Variants in TIMM9 observed in about 807,000 individuals in gnomAD.
The protein encoded by TIMM9 is translocase of inner mitochondrial membrane 9, also known as mitochondrial import inner membrane translocase subunit Tim9.
In TIMM9, 10 loss-of-function variants were observed where a neutral mutation model predicts 13.4. That is an observed-to-expected ratio of 0.75 (90% CI 0.46 to 1.26). The LOEUF is 1.26. Among genes scored for constraint, TIMM9 ranks in the 50% most tolerant of loss-of-function variants. The probability of loss-of-function intolerance (pLI) is 0.00; values close to 1 mark genes in which losing one functional copy is unlikely to be tolerated. For missense variants in TIMM9, 87 were observed against 100.8 expected (o/e 0.86, Z 0.58); for synonymous variants, 32 against 32.1 (o/e 1.00, Z 0.01).
chr14:58,417,175 C>T (rs527843237), intron 3 of TIMM9, among the ~76,000 whole-genome samples: 1 of 152,232 alleles, frequency 6.6e-6, no homozygotes, highest in South Asian at 2.1e-4. Context: ...TGTGAGGCCT[C>T]CCCAGCCATG....
Position 58,411,763 on chromosome 14 carries a change from C to T in TIMM9, c.39+144G>A, listed in dbSNP as rs1000605697. ...TGTTGGCCAGGCTGGTCTTGAACTC[C>T]TGACTTCATGTGATCCACCCACCTG... On this transcript the variant is annotated intron_variant, in intron 4 of 5. Transcript: ENST00000395159. The T allele has an allele frequency of 4.4e-6, 3 of 683,800 alleles. No individual in the cohort carries two copies. The African/African-American group carries it at 5.4e-5, about 12-fold the overall frequency. The allele number at this position is 683,800 out of a possible 1,614,324, so 42.4% of individuals were successfully genotyped here.
intron 4 of TIMM9, 54 bp from the exon 5 acceptor site, chr14:58,410,992 T>C: frequency 1.6e-6 from 2 of 1,276,756 alleles, no homozygotes; most frequent in South Asian, 2.6e-5. Context: ...CAAAGATGCT[T>C]TGAAACTTAA....
chr14:58,411,059 T>C, intron 4 of TIMM9, 121 bp from the exon 5 acceptor site: 1 of 674,844 alleles, frequency 1.5e-6, no homozygotes, highest in Non-Finnish European at 2.6e-6. Flanking sequence ...ATCATAGTTA[T>C]TATGCTAACT....
intron 3 of TIMM9, among the ~76,000 whole-genome samples, chr14:58,422,832 CAG>C (rs1491356405): frequency 2.0e-5 from 3 of 152,000 alleles, no homozygotes; most frequent in Admixed American, 1.3e-4. Context: ...ATTTTTGAGA[CAG>C]AGTCTCACTC....
intron 3 of TIMM9, 179 bp from the exon 4 acceptor site, chr14:58,412,150 C>CTTT: frequency 2.4e-6 from 1 of 411,038 alleles, no homozygotes; most frequent in Non-Finnish European, 4.4e-6. Context: ...ATTAGATTTT[C>CTTT]TTTTTTTTTT....
At position 58,408,909 on chromosome 14, in the gene TIMM9, A is replaced by G; in HGVS notation, c.*125T>C. On this transcript the variant is annotated 3_prime_UTR_variant, in exon 6 of 6. Transcript: ENST00000395159. ...TTCTCCAGCGGTTTCCATTTGCCAA[A>G]CAGTCATGACAGATGGTTGAACATG... 3.6e-6 allele frequency: 5 copies of G among 1,394,700 alleles called. No homozygotes were observed. The highest frequency in any genetic ancestry group is 4.8e-6 in the Non-Finnish European group (5 of 1,038,154). The allele number at this position is 1,394,700 out of a possible 1,614,324, so 86.4% of individuals were successfully genotyped here.
At chr14:58,409,814 G>A (rs985549338) in intron 5 of TIMM9, among the ~76,000 whole-genome samples, 6 of 151,914 alleles carry the variant, frequency 3.9e-5, no homozygotes, top group South Asian at 2.1e-4. Context: ...TCCTGACCTC[G>A]TGATCCGCCT....
chr14:58,423,605 A>G (rs2036654528), intron 3 of TIMM9, among the ~76,000 whole-genome samples: 1 of 151,904 alleles, frequency 6.6e-6, no homozygotes, highest in African/African-American at 2.4e-5. Context: ...TGAGTAAATC[A>G]ATGATTTTCA....
chr14:58,412,622 T>C (rs541589789), intron 3 of TIMM9, among the ~76,000 whole-genome samples: 1 of 152,152 alleles, frequency 6.6e-6, no homozygotes, highest in Non-Finnish European at 1.5e-5. Context: ...TAAAAAAAGC[T>C]GGGTGTGGTG....
At chr14:58,419,780 G>A (rs900668756) in intron 3 of TIMM9, among the ~76,000 whole-genome samples, 1 of 151,998 alleles carries the variant, frequency 6.6e-6, no homozygotes, top group African/African-American at 2.4e-5. Flanking sequence ...GCTGGGCATG[G>A]TGGCACATAC....
At chr14:58,409,981 T>C (rs1358535523) in intron 5 of TIMM9, among the ~76,000 whole-genome samples, 1 of 152,048 alleles carries the variant, frequency 6.6e-6, no homozygotes, top group Admixed American at 6.6e-5. Flanking sequence ...TCCTCCTACC[T>C]CAGCCCCTGG....
chr14:58,411,609 G>A (rs1018335254), intron 4 of TIMM9, among the ~76,000 whole-genome samples: 14 of 151,540 alleles, frequency 9.2e-5, no homozygotes, highest in Non-Finnish European at 1.8e-4. Flanking sequence ...CCACGATCTC[G>A]GCTCACTGCA....
intron 3 of TIMM9, among the ~76,000 whole-genome samples, chr14:58,417,609 T>G (rs1595021516): frequency 2.3e-5 from 2 of 87,824 alleles, no homozygotes; most frequent in African/African-American, 4.8e-5. Flanking sequence ...AGGGAGGGAC[T>G]TAGGGAAGGA....
At chr14:58,419,843 GGAGGCA>G (rs753427202) in intron 3 of TIMM9, among the ~76,000 whole-genome samples, 6 of 152,210 alleles carry the variant, frequency 3.9e-5, no homozygotes, top group Non-Finnish European at 8.8e-5. Context: ...ATTGCGCCCA[GGAGGCA>G]GAGGCTGCAG....
In TIMM9 at chr14:58,417,378, T is replaced by C. The variant is rs377169954; in HGVS notation, c.-26-5407A>G. On this transcript the variant is annotated intron_variant, in intron 3 of 5. Coordinates refer to ENST00000395159, the MANE Select transcript of TIMM9 (RefSeq NM_012460.4). ...AAAAGTAGCTGGGCATGGTGGCATGTCCTATACCCCCAGCTACTTGGAGGT... is the reference window on the plus strand; with the variant it reads ...AAAAGTAGCTGGGCATGGTGGCATGCCCTATACCCCCAGCTACTTGGAGGT... Among the ~76,000 whole-genome samples, 8 of 151,150 alleles carry C rather than the reference T, an allele frequency of 5.3e-5. No homozygotes were observed. In the East Asian group the frequency reaches 9.7e-4, roughly 18 times the overall value.
At chr14:58,416,421 A>G (rs532096711) in intron 3 of TIMM9, among the ~76,000 whole-genome samples, 3 of 152,348 alleles carry the variant, frequency 2.0e-5, no homozygotes, top group South Asian at 2.1e-4. Context: ...ACAACTGTCA[A>G]TGCAGAAACC....
At chr14:58,411,854 T>C (rs1346846570) in intron 4 of TIMM9, 53 bp downstream of exon 4, 3 of 1,541,856 alleles carry the variant, frequency 1.9e-6, no homozygotes, top group Non-Finnish European at 2.7e-6. Flanking sequence ...GTGGCATTAG[T>C]AGCACCTTAC....
chr14:58,417,617 G>C (rs2036458895), intron 3 of TIMM9, among the ~76,000 whole-genome samples: 1 of 133,236 alleles, frequency 7.5e-6, no homozygotes, highest in Admixed American at 7.6e-5. Context: ...ACTTAGGGAA[G>C]GAGGGAAGGG....
chr14:58,413,782 C>T (rs1421040197), intron 3 of TIMM9, among the ~76,000 whole-genome samples: 2 of 150,964 alleles, frequency 1.3e-5, no homozygotes, highest in Non-Finnish European at 3.0e-5. Flanking sequence ...CTGAGGCGGG[C>T]AGATTACGAG....
Sources: gnomAD v4.1 joint callset for allele counts (sites outside exome capture counted in the v4.1 genomes callset) on GRCh38, gnomAD v4.1.1 for gene constraint, MANE v1.5 for transcripts, NCBI Gene and HGNC (gene_info 2026-07-23, HGNC 2026-07-21) for gene names.